Variants in SPIRE2 observed in about 807,000 individuals in gnomAD.
The protein encoded by SPIRE2 is protein spire homolog 2.
A neutral mutation model predicts 80.7 loss-of-function variants in SPIRE2; 76 were observed. The ratio of observed to expected loss-of-function variants is 0.94; its 90% CI spans 0.78 to 1.14. The LOEUF is 1.14. SPIRE2 is among the 50% of genes most tolerant of loss of function. The probability of loss-of-function intolerance (pLI) is 0.00; values close to 1 mark genes in which losing one functional copy is unlikely to be tolerated. For synonymous variants in SPIRE2, 535 were observed against 432.6 expected (o/e 1.24, Z -2.94); for missense variants, 1,196 against 1,015.3 (o/e 1.18, Z -2.42).
At chr16:89,832,130 G>T (rs2041391043) in intron 1 of SPIRE2, among the ~76,000 whole-genome samples, 1 of 152,260 alleles carries the variant, frequency 6.6e-6, no homozygotes, top group African/African-American at 2.4e-5. Flanking sequence ...GCAAGAGAGG[G>T]GCTCTGGGCC....
intron 2 of SPIRE2, among the ~76,000 whole-genome samples, chr16:89,848,276 G>A (rs111863852): frequency 6.6e-6 from 1 of 152,380 alleles, no homozygotes; most frequent in Non-Finnish European, 1.5e-5. Context: ...GGGTGTGGCT[G>A]TTAGGCCTTG....
In SPIRE2 at chr16:89,850,327, C is replaced by T. The variant is rs2041610495; in HGVS notation, c.312C>T (p.Ala104=). The T allele has an allele frequency of 2.5e-6, 4 of 1,602,630 alleles. No homozygotes were observed. Among genetic ancestry groups the T allele is most frequent in the African/African-American group, 1.3e-5 (1 of 74,756 alleles). ...EAQTVQSLGF[A]IYRALDWGLD... is the part of the protein sequence containing the mutation. ...AGACCGTGCAGTCCCTCGGCTTCGC[C>T]ATCTACCGCGCGCTGGACTGGGGGC... Residue 104 remains alanine (A), a synonymous_variant, in exon 3 of 15, where the codon GCC becomes GCT. Transcript: ENST00000378247.
chr16:89,830,577 A>G (rs926367825), intron 1 of SPIRE2, among the ~76,000 whole-genome samples: 1 of 151,196 alleles, frequency 6.6e-6, no homozygotes, highest in Non-Finnish European at 1.5e-5. Context: ...TAAAAGATGC[A>G]TACTTATTTC....
At chr16:89,852,107 A>G (rs1343416158) in intron 3 of SPIRE2, among the ~76,000 whole-genome samples, 4 of 42,124 alleles carry the variant, frequency 9.5e-5, no homozygotes, top group South Asian at 1.3e-3. Flanking sequence ...CCCACCCACC[A>G]GATCCCATGG....
At chr16:89,849,236 G>A (rs571334547) in intron 2 of SPIRE2, among the ~76,000 whole-genome samples, 2 of 152,336 alleles carry the variant, frequency 1.3e-5, no homozygotes, top group South Asian at 2.1e-4. Flanking sequence ...GGCTCCATCT[G>A]CCACACCATG....
At chr16:89,858,570 G>A (rs1224931135) in intron 8 of SPIRE2, 63 bp downstream of exon 8, 1 of 1,460,130 alleles carries the variant, frequency 6.8e-7, no homozygotes. Context: ...CCAAGGAAGT[G>A]AGAAGGGCTA....
intron 1 of SPIRE2, among the ~76,000 whole-genome samples, chr16:89,841,532 G>C (rs2041505638): frequency 6.6e-6 from 1 of 152,136 alleles, no homozygotes; most frequent in African/African-American, 2.4e-5. Flanking sequence ...CGGCTGGGTT[G>C]CTTGCTGTGG....
Position 89,833,681 on chromosome 16 carries a change from C to T in SPIRE2, c.244+4887C>T, listed in dbSNP as rs185763248. Among the ~76,000 whole-genome samples, 30 of 152,330 alleles carry T rather than the reference C, an allele frequency of 2.0e-4. 1 individual carries two copies. In the East Asian group the frequency reaches 4.4e-3, roughly 23 times the overall value. On this transcript the variant is annotated intron_variant, in intron 1 of 14. Coordinates refer to ENST00000378247, the MANE Select transcript of SPIRE2 (RefSeq NM_032451.2). ...GTGCAGCCCTGGGCACGCCTGGCTCCGGAAGCACTGGCCAGTGGAGGTGGC... is the reference window on the plus strand; with the variant it reads ...GTGCAGCCCTGGGCACGCCTGGCTCTGGAAGCACTGGCCAGTGGAGGTGGC...
Position 89,850,496 on chromosome 16 carries a change from G to T in SPIRE2, c.481G>T (p.Val161Phe), listed in dbSNP as rs775449867. Residue 161 changes from valine to phenylalanine, a missense_variant, in exon 3 of 15, where the codon GTC (valine) becomes TTC (phenylalanine). Transcript: ENST00000378247. ...GPEEEEEAEG[V>F]PRSVRTFAQA... is the part of the protein sequence containing the mutation. The stretch of plus-strand genomic sequence containing the variant: ...CGAGGAGGAGGAGGAGGCCGAGGGC[G>T]TCCCCCGCAGCGTGCGCACCTTTGC... The T allele has an allele frequency of 6.5e-7, 1 of 1,528,434 alleles. No homozygotes were observed. Among genetic ancestry groups the T allele is most frequent in the South Asian group, 1.3e-5 (1 of 79,732 alleles). 94.7% of individuals were successfully genotyped at this position (1,528,434 alleles called of 1,614,324 possible). A position where few individuals can be genotyped will look rare whatever the true frequency, so the allele number is the denominator to read the frequency against.
intron 3 of SPIRE2, among the ~76,000 whole-genome samples, chr16:89,853,809 A>G (rs537819484): frequency 1.2e-3 from 177 of 152,144 alleles, no homozygotes; most frequent in Admixed American, 2.4e-3. Context: ...CACCTTCCCC[A>G]GTTCACAAAG....
rs961073335 is a variant in SPIRE2, at chr16:89,828,853, C to T, written c.244+59C>T. 2.6e-6 allele frequency: 3 copies of T among 1,152,914 alleles called. No individual in the cohort carries two copies. The highest frequency in any genetic ancestry group is 3.2e-6 in the Non-Finnish European group (3 of 933,404). 71.4% of individuals were successfully genotyped at this position (1,152,914 alleles called of 1,614,324 possible). On this transcript the variant is annotated intron_variant, in intron 1 of 14. Transcript: ENST00000378247. The surrounding 1 kb of genome is among the most constrained non-coding windows in gnomAD (Gnocchi z 5.9). ...GCGGTCTGGGGCGTCCGTCCCGCCCCCTGGGTGGGGGTGGTCCCGGCGGAG... is the reference window on the plus strand; with the variant it reads ...GCGGTCTGGGGCGTCCGTCCCGCCCTCTGGGTGGGGGTGGTCCCGGCGGAG...
intron 2 of SPIRE2, chr16:89,849,757 C>G (rs2041603087): frequency 4.1e-6 from 1 of 246,536 alleles, no homozygotes; most frequent in African/African-American, 2.3e-5. Context: ...AAGTCAGGGT[C>G]CCTGTCAAGT....
In SPIRE2 at chr16:89,863,412, G is replaced by T. The variant is rs1013323346; in HGVS notation, c.1576-64G>T. ...GGCCAGGGAGGGTTAGGGTCCTCAG[G>T]GAAGGAGAGTAAGCTAGGGGAGCCT... On this transcript the variant is annotated intron_variant, in intron 10 of 14. Coordinates refer to ENST00000378247, the MANE Select transcript of SPIRE2 (RefSeq NM_032451.2). The surrounding 1 kb of genome is among the most constrained non-coding windows in gnomAD (Gnocchi z 4.3). 6.9e-6 allele frequency: 11 copies of T among 1,597,330 alleles called. No individual in the cohort carries two copies. Among genetic ancestry groups the T allele is most frequent in the Non-Finnish European group, 8.6e-6 (10 of 1,169,086 alleles).
chr16:89,836,129 T>C (rs1054681857), intron 1 of SPIRE2: 3 of 448,788 alleles, frequency 6.7e-6, no homozygotes, highest in Admixed American at 2.4e-5. Flanking sequence ...GAGTCGAGAT[T>C]GCGCCACTGC....
At chr16:89,834,604 G>A (rs918270752) in intron 1 of SPIRE2, among the ~76,000 whole-genome samples, 1 of 118,484 alleles carries the variant, frequency 8.4e-6, no homozygotes, top group African/African-American at 3.1e-5. Context: ...GTGAATCTGT[G>A]AACCTGCCCG....
chr16:89,833,701 G>C (rs2041411032), intron 1 of SPIRE2, among the ~76,000 whole-genome samples: 2 of 152,240 alleles, frequency 1.3e-5, no homozygotes, highest in African/African-American at 4.8e-5. Flanking sequence ...GGCCAGTGGA[G>C]GTGGCAGCAA....
intron 12 of SPIRE2, among the ~76,000 whole-genome samples, chr16:89,865,106 C>T (rs559998315): frequency 7.9e-5 from 12 of 151,442 alleles, no homozygotes; most frequent in South Asian, 4.2e-4. Context: ...TCCTGAGTTC[C>T]CACCATTCTC....
chr16:89,853,766 C>T (rs542819031), intron 3 of SPIRE2, among the ~76,000 whole-genome samples: 3 of 152,130 alleles, frequency 2.0e-5, no homozygotes, highest in East Asian at 1.9e-4. Context: ...CAGCACAGAG[C>T]GCTTCCCAAA....
chr16:89,842,230 T>TTTTTTTTTTTTTTTTG (rs1190281257), intron 1 of SPIRE2, among the ~76,000 whole-genome samples: 2 of 134,656 alleles, frequency 1.5e-5, no homozygotes, highest in Non-Finnish European at 3.0e-5. Flanking sequence ...TTTTTTTTTT[T>TTTTTTTTTTTTTTTTG]GTGACGGAGT....
Sources: allele counts gnomAD v4.1 joint callset (sites outside exome capture counted in the v4.1 genomes callset), GRCh38; gene constraint gnomAD v4.1.1; non-coding constraint Gnocchi (gnomAD v3.1); transcripts MANE v1.5; gene names NCBI Gene and HGNC (gene_info 2026-07-23, HGNC 2026-07-21).